Variants in SLC35B3 observed in about 807,000 individuals in gnomAD.
SLC35B3 encodes the protein solute carrier family 35 member B3.
Under a neutral mutation model 44.1 loss-of-function variants are expected in SLC35B3, and 35 were observed. That is an observed-to-expected ratio of 0.79 (90% CI 0.61 to 1.05). SLC35B3 has a LOEUF of 1.05. Among genes scored for constraint, SLC35B3 ranks in the 50% least tolerant of loss-of-function variants. The probability of loss-of-function intolerance (pLI) is 0.00; values close to 1 mark genes in which losing one functional copy is unlikely to be tolerated. For synonymous variants in SLC35B3, 146 were observed against 167.3 expected, an observed-to-expected ratio of 0.87 and a Z score of 0.98; for missense variants, 414 against 476.4, an observed-to-expected ratio of 0.87 and a Z score of 1.22.
Position 8,419,675 on chromosome 6 carries a change from C to A in SLC35B3, c.685G>T (p.Val229Leu). 6.7e-7 allele frequency: 1 copy of A among 1,497,528 alleles called. No homozygotes were observed. Among genetic ancestry groups the A allele is most frequent in the South Asian group, 1.4e-5 (1 of 73,872 alleles). 92.8% of individuals were successfully genotyped at this position (1,497,528 alleles called of 1,614,324 possible). The change falls in exon 7 of 11, where the codon GTG becomes TTG. Residue 229 changes from valine (V) to leucine (L), a missense_variant and splice_region_variant. By Grantham distance (32) the Val-to-Leu change is conservative (BLOSUM62 1). Transcript: ENST00000644923. The surrounding 1 kb of genome is among the most constrained non-coding windows in gnomAD (Gnocchi z 4.3). ...CATAGTGCCAGGGAAATAAGCACCACACCTTCAAGAAGGTATTAAAAAAAC... is the reference window on the plus strand; with the variant it reads ...CATAGTGCCAGGGAAATAAGCACCAAACCTTCAAGAAGGTATTAAAAAAAC...
In SLC35B3 at chr6:8,412,810, A is replaced by T. The variant is rs559485142; in HGVS notation, c.*739T>A. Reference sequence around the variant, plus strand: ...GGTTCATAACAGGGTTCCCGCTGCTATGAGAATCTAACGCTGCTGCTGATC... The same window carrying T: ...GGTTCATAACAGGGTTCCCGCTGCTTTGAGAATCTAACGCTGCTGCTGATC... On this transcript the variant is annotated 3_prime_UTR_variant, in exon 11 of 11. Coordinates refer to ENST00000644923, the MANE Select transcript of SLC35B3 (RefSeq NM_001370476.2). 4.6e-5 allele frequency among the ~76,000 whole-genome samples: 7 copies of T among 152,298 alleles called. No individual in the cohort carries two copies. The South Asian group carries it at 1.5e-3, about 32-fold the overall frequency.
In SLC35B3 at chr6:8,428,069, A is replaced by G. The variant is rs747719838; in HGVS notation, c.298-11T>C. On this transcript the variant is annotated splice_polypyrimidine_tract_variant and intron_variant, in intron 3 of 10. Coordinates refer to ENST00000644923, the MANE Select transcript of SLC35B3 (RefSeq NM_001370476.2). Reference sequence around the variant, plus strand: ...TGAAAATATTAATTCCTGTCAAAAGACACATGAACACTGTTAAGTCCAAGG... The same window carrying G: ...TGAAAATATTAATTCCTGTCAAAAGGCACATGAACACTGTTAAGTCCAAGG... 36 of 1,570,646 alleles carry G rather than the reference A, an allele frequency of 2.3e-5. 1 individual carries two copies. In the South Asian group the frequency reaches 4.1e-4, roughly 18 times the overall value.
rs1051580775 is a variant in SLC35B3, at chr6:8,424,253, G to A, written c.420-1629C>T. ...AATTGCTTGCTTCCTTAGAAATGGG[G>A]AGAAAATTTTTTTTTTGAGACGGAG... On this transcript the variant is annotated intron_variant, in intron 4 of 10. Transcript: ENST00000644923. 1.1e-4 allele frequency among the ~76,000 whole-genome samples: 16 copies of A among 152,154 alleles called. No individual in the cohort carries two copies. The East Asian group carries it at 1.5e-3, about 15-fold the overall frequency.
chr6:8,434,294 A>C lies in SLC35B3; in HGVS notation c.3+91T>G. ...CCACACCAAAAAAAGGTAGAATATG[A>C]AAAAAAAGTCATTACGGTGTCATTA... On this transcript the variant is annotated intron_variant, in intron 2 of 10. Coordinates refer to ENST00000644923, the MANE Select transcript of SLC35B3 (RefSeq NM_001370476.2). This position sits in a 1 kb window ranked among gnomAD's most constrained non-coding sequence, Gnocchi z 6.3. 1 of 1,236,224 alleles carries C rather than the reference A, an allele frequency of 8.1e-7. No individual in the cohort carries two copies. The highest frequency in any genetic ancestry group is 1.2e-6 in the Non-Finnish European group (1 of 855,358). 76.6% of individuals were successfully genotyped at this position (1,236,224 alleles called of 1,614,324 possible).
chr6:8,416,873 A>G lies in SLC35B3; in HGVS notation c.985+11T>C. ...CTTATTTTATAATCAAAGCAAGTAAATCCCTCCTACCTGTTACAGCAATAA... is the reference window on the plus strand; with the variant it reads ...CTTATTTTATAATCAAAGCAAGTAAGTCCCTCCTACCTGTTACAGCAATAA... On this transcript the variant is annotated intron_variant, in intron 9 of 10. Transcript: ENST00000644923. 1 of 1,373,268 alleles carries G rather than the reference A, an allele frequency of 7.3e-7. No homozygotes were observed. Among genetic ancestry groups the G allele is most frequent in the Non-Finnish European group, 1.0e-6 (1 of 990,188 alleles). 85.1% of individuals were successfully genotyped at this position (1,373,268 alleles called of 1,614,324 possible). A position where few individuals can be genotyped will look rare whatever the true frequency, so the allele number is the denominator to read the frequency against.
Position 8,435,497 on chromosome 6 carries a change from C to G in SLC35B3, c.-198G>C. On this transcript the variant is annotated 5_prime_UTR_variant, in exon 1 of 11. Coordinates refer to ENST00000644923, the MANE Select transcript of SLC35B3 (RefSeq NM_001370476.2). The surrounding 1 kb of genome is among the most constrained non-coding windows in gnomAD (Gnocchi z 5.5). ...ACTTTCCACCGCGGCGGTCGCCTCC[C>G]CGGAAAGCACTCTCAACTCCGGCGC... 1 of 831,246 alleles carries G rather than the reference C, an allele frequency of 1.2e-6. No homozygotes were observed. Among genetic ancestry groups the G allele is most frequent in the South Asian group, 1.5e-5 (1 of 64,758 alleles). The allele number at this position is 831,246 out of a possible 1,614,324, so 51.5% of individuals were successfully genotyped here.
chr6:8,414,992 A>T lies in SLC35B3; in HGVS notation c.986-15T>A, dbSNP rs370345097. On this transcript the variant is annotated splice_polypyrimidine_tract_variant and intron_variant, in intron 9 of 10. Transcript: ENST00000644923. ...TCCTGTTGTCACTGTAGGAGCAAAA[A>T]ATTAGTTTAGAATGTGCCTATTATC... 6.3e-7 allele frequency: 1 copy of T among 1,576,058 alleles called. No homozygotes were observed. Among genetic ancestry groups the T allele is most frequent in the Non-Finnish European group, 8.7e-7 (1 of 1,149,998 alleles).
At position 8,435,197 on chromosome 6, in the gene SLC35B3, AAAG is replaced by A. The variant is rs1440839330; in HGVS notation, c.-44+143_-44+145del. Reference sequence around the variant, plus strand: ...CCCGGCCGGTTTCCGCTCTTTCAAAAAAGGGAATCACCCGTTTCTTCCATCCCG... The same window carrying A: ...CCCGGCCGGTTTCCGCTCTTTCAAAAGGAATCACCCGTTTCTTCCATCCCG... On this transcript the variant is annotated intron_variant, in intron 1 of 10. Coordinates refer to ENST00000644923, the MANE Select transcript of SLC35B3 (RefSeq NM_001370476.2). This position sits in a 1 kb window ranked among gnomAD's most constrained non-coding sequence, Gnocchi z 5.5. The A allele has an allele frequency of 2.3e-6, 3 of 1,288,680 alleles. No homozygotes were observed. Among genetic ancestry groups the A allele is most frequent in the African/African-American group, 3.0e-5 (2 of 65,824 alleles). 79.8% of individuals were successfully genotyped at this position (1,288,680 alleles called of 1,614,324 possible). A position where few individuals can be genotyped will look rare whatever the true frequency, so the allele number is the denominator to read the frequency against.
chr6:8,424,076 AG>A lies in SLC35B3; in HGVS notation c.420-1453del, dbSNP rs1763186720. Among the ~76,000 whole-genome samples the A allele has an allele frequency of 3.3e-5, 5 of 152,370 alleles. 2 individuals are homozygous for A. The South Asian group carries it at 1.0e-3, about 32-fold the overall frequency. On this transcript the variant is annotated intron_variant, in intron 4 of 10. Coordinates refer to ENST00000644923, the MANE Select transcript of SLC35B3 (RefSeq NM_001370476.2). ...CAGGTAGAAAGAAAACCAGCCTGAC[AG>A]GGGAACTAAATCCAAAAGTAGCTCC...
Position 8,435,418 on chromosome 6 carries a change from C to A in SLC35B3, c.-119G>T, listed in dbSNP as rs1310359534. ...TGAGCTAGACGGAGCATCTCCCCCT[C>A]CCCTGGTCCGTCGCCATCACCTCCT... On this transcript the variant is annotated 5_prime_UTR_variant, in exon 1 of 11. Transcript: ENST00000644923. This position sits in a 1 kb window ranked among gnomAD's most constrained non-coding sequence, Gnocchi z 5.5. The A allele has an allele frequency of 7.8e-7, 1 of 1,285,344 alleles. No homozygotes were observed. The highest frequency in any genetic ancestry group is 1.0e-6 in the Non-Finnish European group (1 of 986,468). 79.6% of individuals were successfully genotyped at this position (1,285,344 alleles called of 1,614,324 possible).
chr6:8,427,282 G>C (rs1219787156), intron 4 of SLC35B3, among the ~76,000 whole-genome samples: 1 of 152,128 alleles, frequency 6.6e-6, no homozygotes, highest in Non-Finnish European at 1.5e-5. Flanking sequence ...AGCATGTCAT[G>C]GGTCTTCATG....
intron 10 of SLC35B3, 121 bp from the exon 10 acceptor site, chr6:8,413,820 C>A: frequency 1.7e-6 from 1 of 578,638 alleles, no homozygotes; most frequent in Non-Finnish European, 2.9e-6. Context: ...TATTAGAAGC[C>A]TACAATAATA....
chr6:8,428,198 A>C (rs1470032711), intron 3 of SLC35B3, 140 bp from the exon 3 acceptor site: 1 of 734,878 alleles, frequency 1.4e-6, no homozygotes, highest in Non-Finnish European at 2.0e-6. Context: ...AGAGGTTAGA[A>C]GCTCTTTCAT....
rs1764108750 is a variant in SLC35B3 at position 8,432,693 on chromosome 6, A to G, written c.3+1692T>C. ...TGCCTATCACAGGATTTTGGTTAGGACTATATGAAATAAATGTAAAATTGC... is the reference window on the plus strand; with the variant it reads ...TGCCTATCACAGGATTTTGGTTAGGGCTATATGAAATAAATGTAAAATTGC... On this transcript the variant is annotated intron_variant, in intron 2 of 10. Coordinates refer to ENST00000644923, the MANE Select transcript of SLC35B3 (RefSeq NM_001370476.2). This position sits in a 1 kb window ranked among gnomAD's most constrained non-coding sequence, Gnocchi z 4.8. Among the ~76,000 whole-genome samples, 1 of 152,168 alleles carries G rather than the reference A, an allele frequency of 6.6e-6. No individual in the cohort carries two copies. The highest frequency in any genetic ancestry group is 2.4e-5 in the African/African-American group (1 of 41,450).
rs1762729563 is a variant in SLC35B3 at position 8,419,751 on chromosome 6, T to G, written c.683-74A>C. ...ACATATGAACTATAATCAAGCTTTA[T>G]CAGAAATTTCATTGGTCTAAAAAAC... On this transcript the variant is annotated intron_variant, in intron 6 of 10. Transcript: ENST00000644923. The surrounding 1 kb of genome is among the most constrained non-coding windows in gnomAD (Gnocchi z 4.3). 8 of 807,730 alleles carry G rather than the reference T, an allele frequency of 9.9e-6. No homozygotes were observed. The highest frequency in any genetic ancestry group is 1.5e-5 in the Non-Finnish European group (8 of 535,840). The allele number at this position is 807,730 out of a possible 1,614,324, so 50.0% of individuals were successfully genotyped here.
chr6:8,422,906 G>A (rs1486405378), intron 4 of SLC35B3, among the ~76,000 whole-genome samples: 1 of 136,164 alleles, frequency 7.3e-6, no homozygotes, highest in Non-Finnish European at 1.6e-5. Flanking sequence ...GTTGACAAAA[G>A]GTTTTTTTTT....
intron 4 of SLC35B3, among the ~76,000 whole-genome samples, chr6:8,426,158 C>A (rs1467694810): frequency 6.6e-6 from 1 of 152,156 alleles, no homozygotes; most frequent in African/African-American, 2.4e-5. Context: ...GACTTGGTAT[C>A]CCTCATCCAA....
chr6:8,434,821 T>G lies in SLC35B3; in HGVS notation c.-43-391A>C, dbSNP rs182124936. Among the ~76,000 whole-genome samples, 11 of 152,178 alleles carry G rather than the reference T, an allele frequency of 7.2e-5. No homozygotes were observed. Among genetic ancestry groups the G allele is most frequent in the African/African-American group, 1.9e-4 (8 of 41,454 alleles). On this transcript the variant is annotated intron_variant, in intron 1 of 10. Transcript: ENST00000644923. The surrounding 1 kb of genome is among the most constrained non-coding windows in gnomAD (Gnocchi z 6.3). ...TTAAATAATAAAAAGACGGGAGAGA[T>G]AATTCAGTTGCAAAGACTGGAGGAA...
chr6:8,420,910 T>C lies in SLC35B3; in HGVS notation c.575-82A>G. On this transcript the variant is annotated intron_variant, in intron 5 of 10. Transcript: ENST00000644923. This position sits in a 1 kb window ranked among gnomAD's most constrained non-coding sequence, Gnocchi z 4.4. ...TTTGCTCTATGTGTTAAGTAGAACATGGATTTGTTTTTTTATATCCAATGC... is the reference window on the plus strand; with the variant it reads ...TTTGCTCTATGTGTTAAGTAGAACACGGATTTGTTTTTTTATATCCAATGC... 8 of 1,108,234 alleles carry C rather than the reference T, an allele frequency of 7.2e-6. 1 individual carries two copies. The South Asian group carries it at 1.1e-4, about 16-fold the overall frequency. 68.7% of individuals were successfully genotyped at this position (1,108,234 alleles called of 1,614,324 possible). A position where few individuals can be genotyped will look rare whatever the true frequency, so the allele number is the denominator to read the frequency against.
Sources: gnomAD v4.1 joint callset for allele counts (sites outside exome capture counted in the v4.1 genomes callset) on GRCh38, gnomAD v4.1.1 for gene constraint, Gnocchi (gnomAD v3.1) non-coding constraint, MANE v1.5 for transcripts, NCBI Gene and HGNC (gene_info 2026-07-23, HGNC 2026-07-21) for gene names.